Variants in ATXN7 observed in about 807,000 individuals in gnomAD.
The protein encoded by ATXN7 is ataxin-7.
In ATXN7, 12 loss-of-function variants were observed where a neutral mutation model predicts 70.5. That is an observed-to-expected ratio of 0.17 (90% CI 0.11 to 0.28). ATXN7 has a LOEUF of 0.28. Among genes scored for constraint, ATXN7 ranks in the 10% least tolerant of loss-of-function variants. ATXN7 has a pLI of 1.00. For missense variants in ATXN7, 1,256 were observed against 1,131.7 expected (o/e 1.11, Z -1.58); for synonymous variants, 498 against 448.7 (o/e 1.11, Z -1.39).
At chr3:63,992,507 C>T (rs997806179) in intron 11 of ATXN7, among the ~76,000 whole-genome samples, 3 of 152,152 alleles carry the variant, frequency 2.0e-5, no homozygotes, top group African/African-American at 7.2e-5. Flanking sequence ...TTAATGTACT[C>T]CTAAGAGTTT....
rs1027014884 is a variant in ATXN7 at position 63,961,661 on chromosome 3, G to C, written c.499+9178G>C. On this transcript the variant is annotated intron_variant, in intron 5 of 12. Transcript: ENST00000674280. ...CTGTAAATATATAGAACTTTTATTTGTCATTTATACCTTAATAAAGTAGAG... is the reference window on the plus strand; with the variant it reads ...CTGTAAATATATAGAACTTTTATTTCTCATTTATACCTTAATAAAGTAGAG... 1.1e-4 allele frequency among the ~76,000 whole-genome samples: 16 copies of C among 151,974 alleles called. No homozygotes were observed. In the East Asian group the frequency reaches 2.9e-3, roughly 28 times the overall value.
intron 4 of ATXN7, among the ~76,000 whole-genome samples, chr3:63,923,883 T>C (rs61290857): frequency 1.4e-3 from 213 of 152,246 alleles, no homozygotes; most frequent in East Asian, 0.013. Flanking sequence ...GAAATAATGC[T>C]GACAAGGTTA....
intron 4 of ATXN7, among the ~76,000 whole-genome samples, chr3:63,936,832 T>G (rs944758286): frequency 1.2e-4 from 18 of 152,258 alleles, no homozygotes; most frequent in African/African-American, 4.3e-4. Flanking sequence ...GTGATTCTAC[T>G]CAGCCCATAT....
At chr3:63,941,242 G>A (rs1455659001) in intron 4 of ATXN7, among the ~76,000 whole-genome samples, 1 of 151,960 alleles carries the variant, frequency 6.6e-6, no homozygotes, top group Non-Finnish European at 1.5e-5. Flanking sequence ...TGGTGCAGGG[G>A]TCCCCAGTCT....
intron 8 of ATXN7, 90 bp downstream of exon 8, chr3:63,983,111 AGAG>A: frequency 9.7e-7 from 1 of 1,033,258 alleles, no homozygotes; most frequent in Non-Finnish European, 1.5e-6. Context: ...TCTCTAACCC[AGAG>A]AAGATGCTCT....
chr3:63,982,162 T>C (rs1363316781), intron 6 of ATXN7, 24 bp from the exon 7 acceptor site: 6 of 1,613,444 alleles, frequency 3.7e-6, no homozygotes, highest in East Asian at 2.2e-5. Context: ...CAGGCACTGG[T>C]TTTCTCACTT....
chr3:63,934,018 A>G (rs1284486289), intron 4 of ATXN7, among the ~76,000 whole-genome samples: 2 of 152,028 alleles, frequency 1.3e-5, no homozygotes, highest in Non-Finnish European at 2.9e-5. Flanking sequence ...AGTTGGTTGA[A>G]TCACAAATGT....
intron 5 of ATXN7, among the ~76,000 whole-genome samples, chr3:63,973,626 T>C (rs936648174): frequency 5.3e-5 from 8 of 152,122 alleles, no homozygotes; most frequent in African/African-American, 1.9e-4. Flanking sequence ...TTGCCTGTGT[T>C]AAGGTTGTAC....
intron 8 of ATXN7, among the ~76,000 whole-genome samples, chr3:63,985,793 C>A (rs139540770): frequency 1.3e-5 from 2 of 152,316 alleles, no homozygotes; most frequent in African/African-American, 4.8e-5. Context: ...TCCATTCACT[C>A]ATTGTAGAAC....
At chr3:63,879,037 G>A (rs1182473998) in intron 1 of ATXN7, among the ~76,000 whole-genome samples, 1 of 152,320 alleles carries the variant, frequency 6.6e-6, no homozygotes, top group South Asian at 2.1e-4. Context: ...TGGTCTGGGG[G>A]TGGAAAGTGG....
intron 1 of ATXN7, among the ~76,000 whole-genome samples, chr3:63,894,037 T>C (rs1237802854): frequency 6.6e-6 from 1 of 152,116 alleles, no homozygotes; most frequent in Non-Finnish European, 1.5e-5. Context: ...GAAATTTGGG[T>C]TTGGGTGGTC....
intron 4 of ATXN7, among the ~76,000 whole-genome samples, chr3:63,928,909 T>G (rs1704823560): frequency 6.6e-6 from 1 of 152,152 alleles, no homozygotes; most frequent in South Asian, 2.1e-4. Context: ...GCAGCAGTAG[T>G]GAAGTTCTGG....
chr3:63,969,407 C>T (rs983600691), intron 5 of ATXN7, among the ~76,000 whole-genome samples: 1 of 152,196 alleles, frequency 6.6e-6, no homozygotes, highest in Non-Finnish European at 1.5e-5. Flanking sequence ...TGCAGAGTTG[C>T]TCTTGTTTGT....
intron 1 of ATXN7, among the ~76,000 whole-genome samples, chr3:63,870,574 A>G (rs1211233971): frequency 6.6e-6 from 1 of 152,150 alleles, no homozygotes; most frequent in Admixed American, 6.5e-5. Context: ...TCTGTCACCA[A>G]TTAATTTTAT....
At chr3:63,879,441 G>T (rs548921903) in intron 1 of ATXN7, among the ~76,000 whole-genome samples, 2 of 150,848 alleles carry the variant, frequency 1.3e-5, no homozygotes, top group African/African-American at 2.4e-5. Flanking sequence ...TAAGGTTAAG[G>T]TGCAAAAGGA....
intron 9 of ATXN7, among the ~76,000 whole-genome samples, chr3:63,988,914 G>A (rs1318064397): frequency 2.0e-5 from 3 of 152,202 alleles, no homozygotes; most frequent in Admixed American, 6.6e-5. Flanking sequence ...ACTGAACCAA[G>A]TTGAAGTAAA....
At chr3:63,990,074 A>C in intron 9 of ATXN7, 102 bp from the exon 10 acceptor site, 1 of 1,146,108 alleles carries the variant, frequency 8.7e-7, no homozygotes. Context: ...GGTGGAACCC[A>C]GGCCTCTGCT....
intron 5 of ATXN7, among the ~76,000 whole-genome samples, chr3:63,962,361 G>T (rs143804495): frequency 2.0e-5 from 3 of 151,636 alleles, no homozygotes; most frequent in Non-Finnish European, 2.9e-5. Context: ...AATTTGTTTC[G>T]TTGCCTCTTA....
At chr3:63,918,316 A>G (rs539758479) in intron 4 of ATXN7, among the ~76,000 whole-genome samples, 12 of 152,348 alleles carry the variant, frequency 7.9e-5, no homozygotes, top group East Asian at 5.8e-4. Context: ...AATGGAAAAC[A>G]GGTGTTTGTG....
Sources: gnomAD v4.1 joint callset for allele counts (sites outside exome capture counted in the v4.1 genomes callset) on GRCh38, gnomAD v4.1.1 for gene constraint, MANE v1.5 for transcripts, NCBI Gene and HGNC (gene_info 2026-07-23, HGNC 2026-07-21) for gene names.